Variants in ASAH2 observed in about 807,000 individuals in gnomAD.
ASAH2 encodes neutral ceramidase.
A neutral mutation model predicts 82.9 loss-of-function variants in ASAH2; 58 were observed. That is an observed-to-expected ratio of 0.70 (90% CI 0.57 to 0.87). The LOEUF (loss-of-function observed/expected upper bound fraction) is 0.87, where lower values mean the gene tolerates loss of function less well. ASAH2 is among the 40% of genes least tolerant of loss of function. ASAH2 has a pLI of 0.00. For missense variants in ASAH2, 779 were observed against 834.0 expected, an observed-to-expected ratio of 0.93 and a Z score of 0.81; for synonymous variants, 276 against 289.7, an observed-to-expected ratio of 0.95 and a Z score of 0.48.
At chr10:50,234,663 G>A in intron 5 of ASAH2, 111 bp from the exon 6 acceptor site, 1 of 1,438,150 alleles carries the variant, frequency 7.0e-7, no homozygotes, top group Non-Finnish European at 9.8e-7. Context: ...TGTCTCTAAT[G>A]GGTCCACATT....
intron 2 of ASAH2, among the ~76,000 whole-genome samples, chr10:50,247,501 T>A (rs1208014906): frequency 6.6e-6 from 1 of 151,976 alleles, no homozygotes; most frequent in African/African-American, 2.4e-5. Context: ...TTCACTTCTA[T>A]CAGTCTATGA....
At chr10:50,213,136 T>C (rs1845505298) in intron 9 of ASAH2, 78 bp from the exon 10 acceptor site, 2 of 1,285,536 alleles carry the variant, frequency 1.6e-6, no homozygotes, top group East Asian at 4.6e-5. Flanking sequence ...TAACTGAATC[T>C]AAGCAAATAG....
intron 4 of ASAH2, chr10:50,240,575 G>A: frequency 1.4e-6 from 1 of 702,130 alleles, no homozygotes; most frequent in South Asian, 1.5e-5. Flanking sequence ...AAACAAGCTG[G>A]CATCTCAAGG....
At chr10:50,208,384 T>C (rs1330672077) in intron 12 of ASAH2, among the ~76,000 whole-genome samples, 1 of 152,006 alleles carries the variant, frequency 6.6e-6, no homozygotes, top group Non-Finnish European at 1.5e-5. Context: ...TATTTTAAGA[T>C]GACATGATCT....
intron 2 of ASAH2, among the ~76,000 whole-genome samples, chr10:50,248,048 A>G (rs1316157695): frequency 6.6e-6 from 1 of 152,182 alleles, no homozygotes; most frequent in Non-Finnish European, 1.5e-5. Context: ...GTAAGGATTT[A>G]CGTTTGAGAC....
chr10:50,201,905 C>T (rs1453362958), intron 16 of ASAH2, among the ~76,000 whole-genome samples: 5 of 152,066 alleles, frequency 3.3e-5, no homozygotes, highest in Non-Finnish European at 5.9e-5. Context: ...TCTAGACCTG[C>T]AATCACTGTA....
chr10:50,232,675 C>T (rs2133223890), intron 7 of ASAH2, among the ~76,000 whole-genome samples: 1 of 152,294 alleles, frequency 6.6e-6, no homozygotes, highest in Non-Finnish European at 1.5e-5. Context: ...TTTTCCCTCA[C>T]TTGCTTCCTT....
intron 13 of ASAH2, 119 bp downstream of exon 13, chr10:50,205,863 A>G: frequency 1.2e-6 from 1 of 867,990 alleles, no homozygotes; most frequent in East Asian, 2.4e-5. Flanking sequence ...AAAACTTGAT[A>G]TGGGAATATC....
intron 7 of ASAH2, among the ~76,000 whole-genome samples, chr10:50,226,693 G>A (rs1845893733): frequency 6.6e-6 from 1 of 151,838 alleles, no homozygotes; most frequent in African/African-American, 2.4e-5. Flanking sequence ...CTGTAAACCT[G>A]AAACTGCTTT....
At chr10:50,197,484 A>T (rs1845016878) in intron 17 of ASAH2, among the ~76,000 whole-genome samples, 1 of 151,802 alleles carries the variant, frequency 6.6e-6, no homozygotes, top group Admixed American at 6.6e-5. Flanking sequence ...ACAAATCTCA[A>T]TTTTCAAATA....
intron 14 of ASAH2, 81 bp from the exon 15 acceptor site, chr10:50,203,760 A>G (rs1407075614): frequency 3.4e-6 from 4 of 1,175,954 alleles, no homozygotes; most frequent in African/African-American, 3.0e-5. Context: ...GTGAAAGCCA[A>G]AAAATTACCC....
intron 12 of ASAH2, among the ~76,000 whole-genome samples, chr10:50,210,435 G>A (rs1020393048): frequency 2.0e-5 from 3 of 152,076 alleles, no homozygotes; most frequent in Non-Finnish European, 4.4e-5. Context: ...GACAGGTGGA[G>A]GTTGCAGTAA....
chr10:50,221,702 A>G (rs76935704), intron 7 of ASAH2, among the ~76,000 whole-genome samples: 26 of 17,086 alleles, frequency 1.5e-3, no homozygotes, highest in East Asian at 4.5e-3. Context: ...ATGGATGGAT[A>G]GATAGATAGA....
At chr10:50,200,417 G>C (rs1435723586) in intron 16 of ASAH2, among the ~76,000 whole-genome samples, 12 of 151,374 alleles carry the variant, frequency 7.9e-5, no homozygotes, top group Non-Finnish European at 1.8e-4. Context: ...CCATCAATGT[G>C]CCTGCCCTCT....
intron 8 of ASAH2, 86 bp downstream of exon 8, chr10:50,218,424 G>A (rs931544468): frequency 3.2e-6 from 5 of 1,573,828 alleles, no homozygotes; most frequent in Non-Finnish European, 4.4e-6. Context: ...CTTTATTCTG[G>A]AGATTTGAAT....
At chr10:50,245,599 C>T in intron 2 of ASAH2, 145 bp from the exon 3 acceptor site, 1 of 726,946 alleles carries the variant, frequency 1.4e-6, no homozygotes, top group Non-Finnish European at 2.2e-6. Context: ...ACAGGAACAG[C>T]TCAAGAACCT....
At chr10:50,212,397 A>C (rs1274521700) in intron 10 of ASAH2, among the ~76,000 whole-genome samples, 5 of 152,134 alleles carry the variant, frequency 3.3e-5, no homozygotes, top group Admixed American at 6.6e-5. Flanking sequence ...ATTCATAGTA[A>C]TCTCACTGGA....
chr10:50,218,712 T>C, intron 7 of ASAH2, 82 bp from the exon 8 acceptor site: 4 of 1,513,890 alleles, frequency 2.6e-6, no homozygotes, highest in Non-Finnish European at 3.7e-6. Context: ...GCTTAAGTTT[T>C]CTCCAGCAGG....
intron 2 of ASAH2, among the ~76,000 whole-genome samples, chr10:50,247,649 T>A (rs1470513189): frequency 3.9e-5 from 6 of 151,946 alleles, no homozygotes; most frequent in Non-Finnish European, 8.8e-5. Context: ...GAAAATATCA[T>A]CTTCTCCATT....
Sources: allele counts gnomAD v4.1 joint callset (sites outside exome capture counted in the v4.1 genomes callset), GRCh38; gene constraint gnomAD v4.1.1; transcripts MANE v1.5; gene names NCBI Gene and HGNC (gene_info 2026-07-23, HGNC 2026-07-21).